ATXN1: variants seen among roughly 807,000 people sequenced by gnomAD.
ATXN1 encodes ataxin-1.
ATXN1 carries 8 observed loss-of-function variants against 56.4 expected under a neutral mutation model. That is an observed-to-expected ratio of 0.14 (90% CI 0.08 to 0.26). ATXN1 has a LOEUF of 0.26. Ranked by LOEUF, ATXN1 falls within the 10% of genes least tolerant of loss-of-function variation. ATXN1 has a pLI of 1.00. For synonymous variants in ATXN1, 514 were observed against 494.6 expected (o/e 1.04, Z -0.52); for missense variants, 987 against 1,106.5 (o/e 0.89, Z 1.53).
At chr6:16,380,630 C>T (rs765206444) in intron 6 of ATXN1, among the ~76,000 whole-genome samples, 1 of 152,124 alleles carries the variant, frequency 6.6e-6, no homozygotes, top group Non-Finnish European at 1.5e-5. Context: ...TTTCTGCACA[C>T]GCGCATTCAA....
intron 3 of ATXN1, among the ~76,000 whole-genome samples, chr6:16,589,360 TAAC>T (rs112589477): frequency 0.011 from 1,595 of 151,622 alleles, 27 homozygotes; most frequent in East Asian, 0.068. Flanking sequence ...GCACATAAAT[TAAC>T]AACAACAAAA....
chr6:16,327,948 A>C lies in ATXN1; in HGVS notation c.363T>G (p.Ala121=). 1 of 1,612,378 alleles carries C rather than the reference A, an allele frequency of 6.2e-7. No individual in the cohort carries two copies. The highest frequency in any genetic ancestry group is 8.5e-7 in the Non-Finnish European group (1 of 1,179,850). Reference sequence around the variant, plus strand: ...TGAACTGGAAGGTGTGCGGCAGGTGAGCGTACTGCACGGGGGACACCGGGG... The same window carrying C: ...TGAACTGGAAGGTGTGCGGCAGGTGCGCGTACTGCACGGGGGACACCGGGG... ...PGTPVSPVQY[A]HLPHTFQFIG... The change falls in exon 7 of 8, where the codon GCT becomes GCG. Residue 121 remains alanine, a synonymous_variant. Coordinates refer to ENST00000436367, the MANE Select transcript of ATXN1 (RefSeq NM_001128164.2).
At chr6:16,752,316 C>G (rs1436852149) in intron 2 of ATXN1, among the ~76,000 whole-genome samples, 1 of 152,084 alleles carries the variant, frequency 6.6e-6, no homozygotes, top group Non-Finnish European at 1.5e-5. Flanking sequence ...ACCGGCCGAC[C>G]CAGGGGTTCC....
At chr6:16,335,126 T>A (rs761033535) in intron 6 of ATXN1, among the ~76,000 whole-genome samples, 1 of 152,220 alleles carries the variant, frequency 6.6e-6, no homozygotes, top group Non-Finnish European at 1.5e-5. Flanking sequence ...AGACTGTGAT[T>A]CCACTCTGTG....
At chr6:16,540,043 T>G (rs1761682234) in intron 4 of ATXN1, among the ~76,000 whole-genome samples, 1 of 152,172 alleles carries the variant, frequency 6.6e-6, no homozygotes, top group Non-Finnish European at 1.5e-5. Flanking sequence ...GATGTTTCCC[T>G]TGCCTTTCCG....
chr6:16,694,108 C>G (rs1759105434), intron 2 of ATXN1, among the ~76,000 whole-genome samples: 1 of 151,870 alleles, frequency 6.6e-6, no homozygotes, highest in Admixed American at 6.6e-5. Flanking sequence ...ATTGTTTGAA[C>G]AAAAAATAAC....
intron 3 of ATXN1, among the ~76,000 whole-genome samples, chr6:16,590,662 C>A (rs1762705588): frequency 6.6e-6 from 1 of 151,662 alleles, no homozygotes; most frequent in African/African-American, 2.4e-5. Context: ...ATACTAAATT[C>A]ATAACATTCT....
At chr6:16,437,897 C>A (rs1258720026) in intron 6 of ATXN1, among the ~76,000 whole-genome samples, 2 of 152,162 alleles carry the variant, frequency 1.3e-5, no homozygotes, top group African/African-American at 4.8e-5. Context: ...GAGGGTGCCA[C>A]ACTAATTCTG....
rs397975811 is a variant in ATXN1, at chr6:16,617,766, C to CAAAAA, written c.-488-31864_-488-31860dup. ...TGGGCAATAGAGAGAAACTCTGTCT[C>CAAAAA]AAAAAAAAAAAAAAAAGAAATATAC... On this transcript the variant is annotated intron_variant, in intron 3 of 7. Coordinates refer to ENST00000436367, the MANE Select transcript of ATXN1 (RefSeq NM_001128164.2). 9.5e-4 allele frequency among the ~76,000 whole-genome samples: 85 copies of CAAAAA among 89,468 alleles called. 3 individuals carry two copies. The highest frequency in any genetic ancestry group is 1.2e-3 in the African/African-American group (27 of 21,824). 58.7% of individuals were successfully genotyped at this position (89,468 alleles called of 152,430 possible).
At chr6:16,602,381 A>G (rs1360667751) in intron 3 of ATXN1, among the ~76,000 whole-genome samples, 2 of 152,086 alleles carry the variant, frequency 1.3e-5, no homozygotes, top group Admixed American at 6.6e-5. Flanking sequence ...TAATTTTTTT[A>G]AGCTTTTAAT....
intron 3 of ATXN1, among the ~76,000 whole-genome samples, chr6:16,598,339 G>GGAA (rs1762852666): frequency 1.3e-5 from 2 of 152,172 alleles, no homozygotes; most frequent in African/African-American, 4.8e-5. Context: ...TTTGTTTAAA[G>GGAA]ATGTTTTCTC....
At chr6:16,593,018 T>G (rs533520515) in intron 3 of ATXN1, among the ~76,000 whole-genome samples, 7 of 152,364 alleles carry the variant, frequency 4.6e-5, no homozygotes, top group African/African-American at 1.7e-4. Flanking sequence ...TACAAAGTAC[T>G]GATTGGTGCA....
At chr6:16,350,417 C>T (rs1761541259) in intron 6 of ATXN1, among the ~76,000 whole-genome samples, 1 of 152,222 alleles carries the variant, frequency 6.6e-6, no homozygotes, top group African/African-American at 2.4e-5. Flanking sequence ...ATGCTTACCA[C>T]CCCTCTCAAA....
chr6:16,519,700 A>G (rs1581817010), intron 5 of ATXN1, among the ~76,000 whole-genome samples: 1 of 152,214 alleles, frequency 6.6e-6, no homozygotes. Flanking sequence ...TGCCACACAC[A>G]GGGAGGATGA....
chr6:16,374,239 A>G (rs1274640778), intron 6 of ATXN1, among the ~76,000 whole-genome samples: 1 of 152,174 alleles, frequency 6.6e-6, no homozygotes, highest in Non-Finnish European at 1.5e-5. Flanking sequence ...GAACAAGACC[A>G]TATTCAGTTA....
intron 6 of ATXN1, among the ~76,000 whole-genome samples, chr6:16,458,609 G>A (rs566268867): frequency 1.2e-4 from 18 of 152,280 alleles, no homozygotes; most frequent in East Asian, 7.7e-4. Flanking sequence ...TAAGAGAAAG[G>A]CCGCAGCCTC....
chr6:16,527,707 T>C (rs1346197456), intron 4 of ATXN1, among the ~76,000 whole-genome samples: 1 of 152,192 alleles, frequency 6.6e-6, no homozygotes, highest in Admixed American at 6.5e-5. Flanking sequence ...AGAATCAATG[T>C]TGGGAACTAA....
At chr6:16,345,757 G>A (rs1361363786) in intron 6 of ATXN1, among the ~76,000 whole-genome samples, 2 of 152,078 alleles carry the variant, frequency 1.3e-5, no homozygotes, top group East Asian at 3.8e-4. Context: ...GGGATGACTC[G>A]CTACCTGCAG....
At chr6:16,721,719 A>C (rs1759748857) in intron 2 of ATXN1, among the ~76,000 whole-genome samples, 1 of 152,222 alleles carries the variant, frequency 6.6e-6, no homozygotes, top group Non-Finnish European at 1.5e-5. Flanking sequence ...GGTTATTTTT[A>C]ATTGAATAAA....
Sources: allele counts gnomAD v4.1 joint callset (sites outside exome capture counted in the v4.1 genomes callset), GRCh38; gene constraint gnomAD v4.1.1; transcripts MANE v1.5; gene names NCBI Gene and HGNC (gene_info 2026-07-23, HGNC 2026-07-21).